NLGN1: variants seen among roughly 807,000 people sequenced by gnomAD.
The protein encoded by NLGN1 is neuroligin-1.
A neutral mutation model predicts 65.5 loss-of-function variants in NLGN1; 12 were observed. The ratio of observed to expected loss-of-function variants is 0.18; its 90% CI spans 0.12 to 0.30. The LOEUF is 0.30. NLGN1 is among the 10% of genes least tolerant of loss of function. The pLI is 1.00. For missense variants in NLGN1, 750 were observed against 1,007.1 expected (o/e 0.74, Z 3.46); for synonymous variants, 350 against 359.5 (o/e 0.97, Z 0.30).
At chr3:174,272,474 G>A (rs541297280) in intron 4 of NLGN1, among the ~76,000 whole-genome samples, 4 of 151,628 alleles carry the variant, frequency 2.6e-5, no homozygotes, top group Non-Finnish European at 4.4e-5. Flanking sequence ...TGAATATACC[G>A]TCAGTAATCA....
chr3:173,830,010 G>GT (rs76306125), intron 4 of NLGN1, among the ~76,000 whole-genome samples: 9,905 of 135,048 alleles, frequency 0.073, 303 homozygotes, highest in Middle Eastern at 0.16. Context: ...GGTAGTGTGG[G>GT]GGGGGGAGGG....
At chr3:174,285,425 TTTG>T (rs760024069) in exon 7 of NLGN1, 2 of 151,472 alleles carry the variant, frequency 1.3e-5, no homozygotes, top group Admixed American at 6.6e-5. Flanking sequence ...CTGCTGAGAT[TTTG>T]TTATCATTCA....
chr3:173,472,278 C>CT (rs993683833), intron 2 of NLGN1, among the ~76,000 whole-genome samples: 9 of 152,116 alleles, frequency 5.9e-5, no homozygotes, highest in Non-Finnish European at 8.8e-5. Context: ...GTTTCCTCCA[C>CT]TTTTTTTGTT....
intron 4 of NLGN1, among the ~76,000 whole-genome samples, chr3:173,935,352 A>G (rs1177713109): frequency 1.3e-5 from 2 of 152,038 alleles, no homozygotes; most frequent in African/African-American, 4.8e-5. Context: ...GAAAGGTACA[A>G]TTCTTGGTTA....
At chr3:174,133,791 C>G (rs1346975612) in intron 4 of NLGN1, among the ~76,000 whole-genome samples, 1 of 151,886 alleles carries the variant, frequency 6.6e-6, no homozygotes, top group Non-Finnish European at 1.5e-5. Flanking sequence ...TTGCCTAGCT[C>G]CCTTCTTAAT....
At chr3:173,785,214 C>T (rs1402744675) in intron 3 of NLGN1, among the ~76,000 whole-genome samples, 3 of 152,148 alleles carry the variant, frequency 2.0e-5, no homozygotes, top group South Asian at 4.1e-4. Context: ...CCACAGATGG[C>T]GCCATCACCC....
intron 4 of NLGN1, among the ~76,000 whole-genome samples, chr3:174,007,994 G>T (rs919466078): frequency 1.3e-5 from 2 of 151,890 alleles, no homozygotes; most frequent in Non-Finnish European, 2.9e-5. Flanking sequence ...TGTGAGTGGG[G>T]ATGGGGAGAA....
At chr3:174,048,735 A>G (rs541427453) in intron 4 of NLGN1, among the ~76,000 whole-genome samples, 6 of 152,224 alleles carry the variant, frequency 3.9e-5, no homozygotes, top group Admixed American at 6.5e-5. Flanking sequence ...ATGATAAATG[A>G]TAATTGTATG....
At chr3:173,443,490 G>T (rs1051500791) in intron 2 of NLGN1, among the ~76,000 whole-genome samples, 2 of 151,436 alleles carry the variant, frequency 1.3e-5, no homozygotes, top group Non-Finnish European at 2.9e-5. Flanking sequence ...TTCTATTTTT[G>T]AAAGCATTTA....
At chr3:174,209,625 T>TTTTC (rs1178630617) in intron 4 of NLGN1, among the ~76,000 whole-genome samples, 1 of 125,044 alleles carries the variant, frequency 8.0e-6, no homozygotes, top group African/African-American at 3.3e-5. Flanking sequence ...CTTTCTTTCT[T>TTTTC]TTTTTTTTTT....
At chr3:173,823,644 A>G (rs1351089304) in intron 4 of NLGN1, among the ~76,000 whole-genome samples, 1 of 152,106 alleles carries the variant, frequency 6.6e-6, no homozygotes, top group Non-Finnish European at 1.5e-5. Context: ...AAAATGCAGT[A>G]ACACAGTAAC....
At chr3:173,695,093 G>A (rs957309811) in intron 3 of NLGN1, among the ~76,000 whole-genome samples, 2 of 152,088 alleles carry the variant, frequency 1.3e-5, no homozygotes, top group African/African-American at 4.8e-5. Context: ...CCAGCTGGGT[G>A]TTAAAATTAG....
chr3:173,851,318 C>G (rs1267836612), intron 4 of NLGN1, among the ~76,000 whole-genome samples: 2 of 152,112 alleles, frequency 1.3e-5, no homozygotes, highest in African/African-American at 4.8e-5. Flanking sequence ...AATCATTCAT[C>G]TACATGAATA....
chr3:173,990,177 A>G (rs1720810833), intron 4 of NLGN1, among the ~76,000 whole-genome samples: 1 of 152,154 alleles, frequency 6.6e-6, no homozygotes, highest in Admixed American at 6.5e-5. Flanking sequence ...CCCAAAATCT[A>G]TTGATCAGGC....
At chr3:173,486,462 A>G (rs1372894707) in intron 2 of NLGN1, among the ~76,000 whole-genome samples, 1 of 152,132 alleles carries the variant, frequency 6.6e-6, no homozygotes, top group Non-Finnish European at 1.5e-5. Flanking sequence ...AGAACCTTAC[A>G]TGGAAATTAT....
intron 3 of NLGN1, among the ~76,000 whole-genome samples, chr3:173,658,253 T>A (rs1386179365): frequency 6.6e-6 from 1 of 151,990 alleles, no homozygotes. Flanking sequence ...TCCATAGGTC[T>A]GTTGCTACCA....
At chr3:173,701,699 T>A (rs567141020) in intron 3 of NLGN1, among the ~76,000 whole-genome samples, 4 of 152,220 alleles carry the variant, frequency 2.6e-5, no homozygotes, top group African/African-American at 9.6e-5. Context: ...AACAGAGTGA[T>A]TCAGACACAG....
chr3:173,670,429 A>G (rs1010575862), intron 3 of NLGN1, among the ~76,000 whole-genome samples: 4 of 152,180 alleles, frequency 2.6e-5, no homozygotes, highest in East Asian at 1.9e-4. Flanking sequence ...TTTGTTCTAG[A>G]AAAACATTTT....
At chr3:174,276,641 G>A (rs1307034974) in intron 5 of NLGN1, among the ~76,000 whole-genome samples, 3 of 151,800 alleles carry the variant, frequency 2.0e-5, no homozygotes, top group Admixed American at 6.6e-5. Flanking sequence ...CAAAAGAACA[G>A]CCAGTCATTA....
Sources: allele counts gnomAD v4.1 joint callset (sites outside exome capture counted in the v4.1 genomes callset), GRCh38; gene constraint gnomAD v4.1.1; transcripts MANE v1.5; gene names NCBI Gene and HGNC (gene_info 2026-07-23, HGNC 2026-07-21).